LINS1: variants seen among roughly 807,000 people sequenced by gnomAD.
LINS1 encodes the protein protein Lines homolog 1.
Under a neutral mutation model 41.6 loss-of-function variants are expected in LINS1, and 27 were observed. The observed-to-expected ratio is 0.65, with a 90% CI of 0.48 to 0.89. The LOEUF (loss-of-function observed/expected upper bound fraction) is 0.89, where lower values mean the gene tolerates loss of function less well. Ranked by LOEUF, LINS1 falls within the 40% of genes least tolerant of loss-of-function variation. LINS1 has a pLI of 0.00. For synonymous variants in LINS1, 336 were observed against 312.9 expected (o/e 1.07, Z -0.78); for missense variants, 955 against 884.1 (o/e 1.08, Z -1.02).
intron 1 of LINS1, among the ~76,000 whole-genome samples, chr15:100,592,014 A>C (rs2039060053): frequency 6.6e-6 from 1 of 152,224 alleles, no homozygotes; most frequent in South Asian, 2.1e-4. Flanking sequence ...GAAACACTTC[A>C]TCTATGAAAC....
rs1452917484 is a variant in LINS1, at chr15:100,567,753, C to T, written c.*1485G>A. ...TAGAAACTGCCTTAACGCATAGCCT[C>T]ACCGACAGCATGTTAAAACGCAAAC... is the stretch of plus-strand genomic sequence containing the variant. On this transcript the variant is annotated 3_prime_UTR_variant, in exon 7 of 7. Coordinates refer to ENST00000314742, the MANE Select transcript of LINS1 (RefSeq NM_001040616.3). 2 of 152,220 alleles carry T rather than the reference C, an allele frequency of 1.3e-5. No homozygotes were observed. The highest frequency in any genetic ancestry group is 4.8e-5 in the African/African-American group (2 of 41,454). The allele number at this position is 152,220 out of a possible 1,614,324, so 9.4% of individuals were successfully genotyped here.
chr15:100,585,549 G>A (rs1292386877), intron 1 of LINS1, among the ~76,000 whole-genome samples: 1 of 152,174 alleles, frequency 6.6e-6, no homozygotes, highest in Non-Finnish European at 1.5e-5. Flanking sequence ...TGTTTTACTC[G>A]AAATTTTGGT....
chr15:100,597,083 G>A (rs925720667), intron 1 of LINS1: 23 of 152,110 alleles, frequency 1.5e-4, no homozygotes, highest in African/African-American at 5.6e-4. Context: ...CGCCTCTTTT[G>A]AGCACATCCA....
At chr15:100,582,185 C>T (rs1040983712) in intron 1 of LINS1, among the ~76,000 whole-genome samples, 27 of 149,950 alleles carry the variant, frequency 1.8e-4, no homozygotes, top group Non-Finnish European at 2.2e-4. Context: ...TGGTCTTACA[C>T]TGGGTCTTCC....
At chr15:100,576,811 A>G (rs1043773102) in intron 3 of LINS1, 2 of 152,220 alleles carry the variant, frequency 1.3e-5, no homozygotes, top group African/African-American at 2.4e-5. Flanking sequence ...GCAGCACATC[A>G]AAAAGCTTAT....
In LINS1 at chr15:100,569,301, A is replaced by G. The variant is rs1236555230; in HGVS notation, c.2211T>C (p.Thr737=). ...TGTATTTTAACAACTTCAAAAGTGC[A>G]GTTGGATTATATGGGAAAAGATTTT... is the stretch of plus-strand genomic sequence containing the variant. ...QKKNLFPYNP[T]ALLKLLKYIE... The change falls in exon 7 of 7, where the codon ACT becomes ACC. Residue 737 remains threonine (T), a synonymous_variant. Coordinates refer to ENST00000314742, the MANE Select transcript of LINS1 (RefSeq NM_001040616.3). 2.5e-6 allele frequency: 4 copies of G among 1,612,316 alleles called. No homozygotes were observed. Among genetic ancestry groups the G allele is most frequent in the Non-Finnish European group, 3.4e-6 (4 of 1,178,458 alleles).
chr15:100,601,029 T>C (rs564995366), intron 1 of LINS1, among the ~76,000 whole-genome samples: 11 of 152,364 alleles, frequency 7.2e-5, no homozygotes, highest in East Asian at 3.9e-4. Context: ...GCCTTCTTTC[T>C]GGCAGTTCCT....
chr15:100,586,166 T>C (rs1038966676), intron 1 of LINS1: 3 of 152,348 alleles, frequency 2.0e-5, no homozygotes, highest in Admixed American at 6.5e-5. Flanking sequence ...TCTGACTGCC[T>C]CCTTTAGAAA....
In LINS1 at chr15:100,569,532, A is replaced by C. The variant is rs758891103; in HGVS notation, c.1980T>G (p.Ile660Met). 1.9e-6 allele frequency: 3 copies of C among 1,614,176 alleles called. No individual in the cohort carries two copies. Among genetic ancestry groups the C allele is most frequent in the Non-Finnish European group, 2.5e-6 (3 of 1,180,032 alleles). The change falls in exon 7 of 7, where the codon ATT becomes ATG. Residue 660 changes from isoleucine (I) to methionine (M), a missense_variant. Coordinates refer to ENST00000314742, the MANE Select transcript of LINS1 (RefSeq NM_001040616.3). ...CCCTGCTTGTCCCAGCTGCATCCTG[A>C]ATCTCCTTAGTTGCTTGCTGGTGTA... ...TSLHQQATKE[I>M]QDAAGTSRDK...
At chr15:100,599,798 G>A (rs975873254) in intron 1 of LINS1, among the ~76,000 whole-genome samples, 1 of 152,120 alleles carries the variant, frequency 6.6e-6, no homozygotes, top group African/African-American at 2.4e-5. Flanking sequence ...GGGTGCAGTG[G>A]CTCACACCTG....
chr15:100,577,713 C>G (rs2038268147), intron 3 of LINS1, among the ~76,000 whole-genome samples: 1 of 152,128 alleles, frequency 6.6e-6, no homozygotes, highest in African/African-American at 2.4e-5. Context: ...CCTGCATTGC[C>G]AAGTCAATCC....
chr15:100,587,274 C>T (rs1223038603), intron 1 of LINS1, among the ~76,000 whole-genome samples: 1 of 151,332 alleles, frequency 6.6e-6, no homozygotes, highest in Non-Finnish European at 1.5e-5. Context: ...CATTGCTTCA[C>T]ACTATGTCTA....
Position 100,573,967 on chromosome 15 carries a change from G to C in LINS1, c.906C>G (p.Phe302Leu). 1 of 1,614,198 alleles carries C rather than the reference G, an allele frequency of 6.2e-7. No homozygotes were observed. The highest frequency in any genetic ancestry group is 8.5e-7 in the Non-Finnish European group (1 of 1,180,040). Residue 302 changes from phenylalanine (F) to leucine (L), a missense_variant, in exon 5 of 7, where the codon TTC becomes TTG. Transcript: ENST00000314742. ...CTTTACAGAGAAGGCACTTTTTGAG[G>C]AATATGATGACCTTCCTTTTAACAA... ...QAFVKRKVIIFLKKCLLCKVG... is the reference protein window; with the variant it reads ...QAFVKRKVIILLKKCLLCKVG...
At chr15:100,593,669 C>T (rs1179374693) in intron 1 of LINS1, among the ~76,000 whole-genome samples, 14 of 151,976 alleles carry the variant, frequency 9.2e-5, no homozygotes, top group Admixed American at 9.2e-4. Flanking sequence ...GCCAGAAAAT[C>T]TAATATCAGA....
At chr15:100,591,583 G>C (rs954340391) in intron 1 of LINS1, among the ~76,000 whole-genome samples, 1 of 152,198 alleles carries the variant, frequency 6.6e-6, no homozygotes, top group Non-Finnish European at 1.5e-5. Context: ...GAAACACATA[G>C]ATCCTAGAAC....
intron 1 of LINS1, among the ~76,000 whole-genome samples, chr15:100,596,367 G>A (rs942004220): frequency 1.3e-5 from 2 of 152,120 alleles, no homozygotes; most frequent in African/African-American, 2.4e-5. Context: ...TTCTGAGATA[G>A]TGAGAATACA....
chr15:100,596,651 T>C (rs1164521658), intron 1 of LINS1, among the ~76,000 whole-genome samples: 1 of 152,164 alleles, frequency 6.6e-6, no homozygotes, highest in Non-Finnish European at 1.5e-5. Context: ...ATTTCTTTTC[T>C]AACAAAAAGC....
At chr15:100,600,911 C>T (rs1467023617) in intron 1 of LINS1, among the ~76,000 whole-genome samples, 1 of 152,186 alleles carries the variant, frequency 6.6e-6, no homozygotes, top group Non-Finnish European at 1.5e-5. Context: ...CTAAACAAGG[C>T]TTACCAAGGC....
rs1279603109 is a variant in LINS1 at position 100,569,133 on chromosome 15, A to AG, written c.*104_*105insC. 1 of 772,436 alleles carries AG rather than the reference A, an allele frequency of 1.3e-6. No individual in the cohort carries two copies. The allele number at this position is 772,436 out of a possible 1,614,324, so 47.8% of individuals were successfully genotyped here. A position where few individuals can be genotyped will look rare whatever the true frequency, so the allele number is the denominator to read the frequency against. On this transcript the variant is annotated 3_prime_UTR_variant, in exon 7 of 7. Transcript: ENST00000314742. ...ATGAGATTCTGTCTCAAAAAAAAAA[A>AG]AAAAAAAGAAAACCCTTTTATGGTG...
Sources: allele counts gnomAD v4.1 joint callset (sites outside exome capture counted in the v4.1 genomes callset), GRCh38; gene constraint gnomAD v4.1.1; transcripts MANE v1.5; gene names NCBI Gene and HGNC (gene_info 2026-07-23, HGNC 2026-07-21).